The following LUZP2 variants were observed in gnomAD, a reference collection of about 807,000 sequenced individuals.
LUZP2 encodes leucine zipper protein 2.
LUZP2 carries 52 observed loss-of-function variants against 51.6 expected under a neutral mutation model. That is an observed-to-expected ratio of 1.01 (90% CI 0.81 to 1.27). The LOEUF (loss-of-function observed/expected upper bound fraction) is 1.27, where lower values mean the gene tolerates loss of function less well. LUZP2 is among the 50% of genes most tolerant of loss of function. LUZP2 has a pLI of 0.00. For missense variants in LUZP2, 436 were observed against 395.4 expected (o/e 1.10, Z -0.87); for synonymous variants, 154 against 137.3 (o/e 1.12, Z -0.85).
chr11:24,503,846 T>G (rs11027957), intron 1 of LUZP2, among the ~76,000 whole-genome samples: 6,707 of 152,278 alleles, frequency 0.044, 358 homozygotes, highest in African/African-American at 0.13. Context: ...AATCCAGAAC[T>G]ATTCTAGTTA....
intron 5 of LUZP2, among the ~76,000 whole-genome samples, chr11:24,864,613 A>T (rs942272511): frequency 6.6e-6 from 1 of 152,218 alleles, no homozygotes; most frequent in Non-Finnish European, 1.5e-5. Context: ...TTGTTTGGTC[A>T]GATACATTAG....
intron 1 of LUZP2, among the ~76,000 whole-genome samples, chr11:24,639,391 C>A (rs1855206860): frequency 1.3e-5 from 2 of 151,316 alleles, no homozygotes; most frequent in South Asian, 4.2e-4. Context: ...ATATGTAATT[C>A]TCTCTATTTT....
intron 1 of LUZP2, among the ~76,000 whole-genome samples, chr11:24,615,689 A>G (rs1854262164): frequency 6.6e-6 from 1 of 151,990 alleles, no homozygotes; most frequent in African/African-American, 2.4e-5. Flanking sequence ...TTGGTTGTAC[A>G]GTAGTAGCAT....
intron 2 of LUZP2, among the ~76,000 whole-genome samples, chr11:24,729,668 C>A (rs1383639263): frequency 6.6e-6 from 1 of 151,856 alleles, no homozygotes. Context: ...CTTTAATAAA[C>A]CACATTACTG....
At chr11:24,603,359 A>C (rs1211957323) in intron 1 of LUZP2, among the ~76,000 whole-genome samples, 1 of 151,862 alleles carries the variant, frequency 6.6e-6, no homozygotes, top group African/African-American at 2.4e-5. Context: ...TTCTAGGAGA[A>C]GGTTTAATTC....
At chr11:24,782,378 T>C (rs1489101425) in intron 5 of LUZP2, among the ~76,000 whole-genome samples, 1 of 152,050 alleles carries the variant, frequency 6.6e-6, no homozygotes, top group African/African-American at 2.4e-5. Context: ...GTGCTCAAAC[T>C]CTGTACTATG....
chr11:24,581,602 T>C (rs1852857486), intron 1 of LUZP2, among the ~76,000 whole-genome samples: 1 of 151,418 alleles, frequency 6.6e-6, no homozygotes, highest in Non-Finnish European at 1.5e-5. Context: ...ACTCGGGAGG[T>C]GGAGGCATCA....
At chr11:24,876,674 T>C (rs1852276619) in intron 5 of LUZP2, among the ~76,000 whole-genome samples, 1 of 152,106 alleles carries the variant, frequency 6.6e-6, no homozygotes, top group African/African-American at 2.4e-5. Flanking sequence ...ATTGAGTCTA[T>C]AAATTACCTT....
At chr11:24,753,589 A>G (rs929852777) in intron 4 of LUZP2, among the ~76,000 whole-genome samples, 1 of 152,182 alleles carries the variant, frequency 6.6e-6, no homozygotes, top group Non-Finnish European at 1.5e-5. Context: ...ATCAGATACA[A>G]CGCTCATTCC....
At chr11:25,040,590 C>T (rs184130614) in intron 9 of LUZP2, among the ~76,000 whole-genome samples, 2 of 152,082 alleles carry the variant, frequency 1.3e-5, no homozygotes, top group African/African-American at 4.8e-5. Flanking sequence ...CTCAGTGGAC[C>T]TCTCAGTCTG....
intron 1 of LUZP2, among the ~76,000 whole-genome samples, chr11:24,690,479 T>G (rs1857031424): frequency 6.6e-6 from 1 of 152,172 alleles, no homozygotes; most frequent in Non-Finnish European, 1.5e-5. Context: ...ATCCTATCAA[T>G]GTGTTCACAT....
intron 5 of LUZP2, among the ~76,000 whole-genome samples, chr11:24,806,813 T>C (rs151334806): frequency 1.0e-3 from 153 of 152,156 alleles, no homozygotes; most frequent in African/African-American, 3.5e-3. Context: ...TTAAAAGCCT[T>C]AGTTCTCTCC....
intron 1 of LUZP2, among the ~76,000 whole-genome samples, chr11:24,507,775 A>G (rs1024927989): frequency 3.3e-5 from 5 of 152,048 alleles, no homozygotes; most frequent in Non-Finnish European, 7.4e-5. Context: ...AGTAATATTT[A>G]CGTGGTAAAA....
At chr11:25,002,306 G>T (rs546760126) in intron 9 of LUZP2, among the ~76,000 whole-genome samples, 1 of 152,266 alleles carries the variant, frequency 6.6e-6, no homozygotes, top group Non-Finnish European at 1.5e-5. Flanking sequence ...GTTAAGGTCA[G>T]GATTAGCTAA....
intron 1 of LUZP2, among the ~76,000 whole-genome samples, chr11:24,682,210 C>G (rs7952079): frequency 0.26 from 40,216 of 151,876 alleles, 6,089 homozygotes; most frequent in Middle Eastern, 0.37. Context: ...AAGAGTAGAG[C>G]AAGGCTGGGT....
At chr11:24,809,910 T>C (rs556610686) in intron 5 of LUZP2, among the ~76,000 whole-genome samples, 33 of 152,188 alleles carry the variant, frequency 2.2e-4, no homozygotes, top group Admixed American at 9.8e-4. Context: ...GAATTTTCTT[T>C]ATATAGTTAT....
At position 24,782,346 on chromosome 11, in the gene LUZP2, G is replaced by A. The variant is rs534108766; in HGVS notation, c.396+19038G>A. On this transcript the variant is annotated intron_variant, in intron 5 of 11. Coordinates refer to ENST00000336930, the MANE Select transcript of LUZP2 (RefSeq NM_001009909.4). Reference sequence around the variant, plus strand: ...ATGCACATTTATTAGACAGGGAAGAGCAGAACCACTGATTAAATGGTGTGC... The same window carrying A: ...ATGCACATTTATTAGACAGGGAAGAACAGAACCACTGATTAAATGGTGTGC... 3.3e-5 allele frequency among the ~76,000 whole-genome samples: 5 copies of A among 152,104 alleles called. No individual in the cohort carries two copies. The East Asian group carries it at 9.7e-4, about 29-fold the overall frequency.
chr11:24,613,933 C>T (rs193071134), intron 1 of LUZP2, among the ~76,000 whole-genome samples: 42 of 152,034 alleles, frequency 2.8e-4, no homozygotes, highest in Middle Eastern at 6.8e-3. Flanking sequence ...AGAGGTGATC[C>T]TAATCTACTA....
chr11:25,018,154 A>C (rs773605364), intron 9 of LUZP2, among the ~76,000 whole-genome samples: 1 of 151,530 alleles, frequency 6.6e-6, no homozygotes, highest in Non-Finnish European at 1.5e-5. Context: ...ATTTGTGTAC[A>C]TTGATACTTG....
Sources: allele counts gnomAD v4.1 joint callset (sites outside exome capture counted in the v4.1 genomes callset), GRCh38; gene constraint gnomAD v4.1.1; transcripts MANE v1.5; gene names NCBI Gene and HGNC (gene_info 2026-07-23, HGNC 2026-07-21).